The following KAT8 variants were observed in gnomAD, a reference collection of about 807,000 sequenced individuals.
KAT8 encodes lysine acetyltransferase 8.
Under a neutral mutation model 62.9 loss-of-function variants are expected in KAT8, and 40 were observed. That is an observed-to-expected ratio of 0.64 (90% CI 0.49 to 0.83). The LOEUF is 0.83. Among genes scored for constraint, KAT8 ranks in the 40% least tolerant of loss-of-function variants. The probability of loss-of-function intolerance (pLI) is 0.00; values close to 1 mark genes in which losing one functional copy is unlikely to be tolerated. For missense variants in KAT8, 387 were observed against 614.8 expected (o/e 0.63, Z 3.92); for synonymous variants, 278 against 254.5 (o/e 1.09, Z -0.88).
chr16:31,129,029 C>G (rs924654811), intron 6 of KAT8, among the ~76,000 whole-genome samples: 5 of 152,214 alleles, frequency 3.3e-5, no homozygotes, highest in Non-Finnish European at 5.9e-5. Context: ...TTGTCACTTC[C>G]TCACTGACCA....
intron 3 of KAT8, chr16:31,126,800 C>T: frequency 2.0e-6 from 1 of 510,954 alleles, no homozygotes; most frequent in South Asian, 2.2e-5. Flanking sequence ...GCAAAAGGTC[C>T]AAACTTGGAC....
chr16:31,130,256 G>A lies in KAT8; in HGVS notation c.913-11G>A. ...GCCTCCCCAGCGGCCCTGAGCACCT[G>A]CCTCCTGCAGGAGAAGGAGTCCCCG... On this transcript the variant is annotated splice_polypyrimidine_tract_variant and intron_variant, in intron 7 of 10. Coordinates refer to ENST00000219797, the MANE Select transcript of KAT8 (RefSeq NM_032188.3). 1.9e-6 allele frequency: 3 copies of A among 1,614,046 alleles called. No homozygotes were observed. Among genetic ancestry groups the A allele is most frequent in the Non-Finnish European group, 2.5e-6 (3 of 1,179,922 alleles).
intron 6 of KAT8, among the ~76,000 whole-genome samples, chr16:31,128,789 A>G (rs2057552211): frequency 6.6e-6 from 1 of 152,190 alleles, no homozygotes; most frequent in Non-Finnish European, 1.5e-5. Context: ...CTTTGTGTGA[A>G]ATTTCCTCCT....
At chr16:31,125,184 T>G (rs1433016412) in intron 3 of KAT8, among the ~76,000 whole-genome samples, 1 of 150,544 alleles carries the variant, frequency 6.6e-6, no homozygotes, top group African/African-American at 2.4e-5. Context: ...AGAGTGAGAG[T>G]CTATCTCAGA....
chr16:31,127,969 T>G lies in KAT8; in HGVS notation c.682-81T>G, dbSNP rs1197257240. On this transcript the variant is annotated intron_variant, in intron 5 of 10. Transcript: ENST00000219797. Reference sequence around the variant, plus strand: ...GGGAAACAGAGAGGCAGAGACTTGCTCCAAAGCATGCAGTGGTGGGTTGGG... The same window carrying G: ...GGGAAACAGAGAGGCAGAGACTTGCGCCAAAGCATGCAGTGGTGGGTTGGG... The G allele has an allele frequency of 3.1e-6, 3 of 966,024 alleles. No individual in the cohort carries two copies. The Admixed American group carries it at 5.3e-5, about 17-fold the overall frequency. The allele number at this position is 966,024 out of a possible 1,614,324, so 59.8% of individuals were successfully genotyped here.
At chr16:31,120,306 C>T (rs1440251477) in intron 2 of KAT8, 33 bp from the exon 3 acceptor site, 1 of 1,614,010 alleles carries the variant, frequency 6.2e-7, no homozygotes, top group Non-Finnish European at 8.5e-7. Flanking sequence ...GAGTTGGCTG[C>T]CCTGGCAGCA....
At chr16:31,118,235 C>G (rs2057465421) in intron 1 of KAT8, 1 of 232,980 alleles carries the variant, frequency 4.3e-6, no homozygotes, top group Non-Finnish European at 8.3e-6. Context: ...TCTTCTTTTT[C>G]CATTTGTCCC....
chr16:31,129,282 C>T (rs2057554786), intron 6 of KAT8, among the ~76,000 whole-genome samples: 1 of 152,176 alleles, frequency 6.6e-6, no homozygotes, highest in African/African-American at 2.4e-5. Flanking sequence ...CAGCCCTTGC[C>T]CCTGCTCTGC....
Position 31,130,849 on chromosome 16 carries a change from C to T in KAT8, c.1261C>T (p.Leu421=), listed in dbSNP as rs777488556. Reference sequence around the variant, plus strand: ...GCACGTGATCTGTGTCACACCCAAGCTGGTGGAGGAGCACCTCAAAAGTGC... The same window carrying T: ...GCACGTGATCTGTGTCACACCCAAGTTGGTGGAGGAGCACCTCAAAAGTGC... ...GQHVICVTPK[L]VEEHLKSAQY... The change falls in exon 10 of 11, where the codon CTG becomes TTG. Residue 421 remains leucine (L), a synonymous_variant. Coordinates refer to ENST00000219797, the MANE Select transcript of KAT8 (RefSeq NM_032188.3). 16 of 1,612,768 alleles carry T rather than the reference C, an allele frequency of 9.9e-6. No individual in the cohort carries two copies. Among genetic ancestry groups the T allele is most frequent in the Non-Finnish European group, 1.2e-5 (14 of 1,179,794 alleles).
At position 31,127,248 on chromosome 16, in the gene KAT8, G is replaced by A; in HGVS notation, c.576G>A (p.Trp192Ter). The change falls in exon 5 of 11, where the codon TGG becomes TGA. Residue 192 changes from tryptophan (W) to a stop codon, truncating the protein, a stop_gained. Coordinates refer to ENST00000219797, the MANE Select transcript of KAT8 (RefSeq NM_032188.3). LOFTEE classifies it high-confidence loss of function. ...TCGGGAACTACGAAATTGATGCCTG[G>A]TATTTCTCACCATTCCCCGAAGACT... ...IHIGNYEIDA[W>*]YFSPFPEDYG... 1 of 1,614,234 alleles carries A rather than the reference G, an allele frequency of 6.2e-7. No homozygotes were observed. Among genetic ancestry groups the A allele is most frequent in the Non-Finnish European group, 8.5e-7 (1 of 1,180,036 alleles).
chr16:31,127,498 A>C, intron 5 of KAT8, 145 bp downstream of exon 5: 2 of 835,600 alleles, frequency 2.4e-6, no homozygotes, highest in Non-Finnish European at 3.7e-6. Context: ...GCTGGGGGTC[A>C]GGAGGCCTGG....
In KAT8 at chr16:31,117,879, G is replaced by A. The variant is rs2057460622; in HGVS notation, c.198G>A (p.Pro66=). ...EIGETYLCRR[P]DSTWHSAEVI... ...GAGAAACGTACCTGTGCCGGCGACCGGATAGCACCTGGCGTGAGGGCGGGG... is the reference window on the plus strand; with the variant it reads ...GAGAAACGTACCTGTGCCGGCGACCAGATAGCACCTGGCGTGAGGGCGGGG... The change falls in exon 1 of 11, where the codon CCG becomes CCA. Residue 66 remains proline, a synonymous_variant. Transcript: ENST00000219797. 1.4e-6 allele frequency: 2 copies of A among 1,389,316 alleles called. No individual in the cohort carries two copies. Among genetic ancestry groups the A allele is most frequent in the Non-Finnish European group, 1.9e-6 (2 of 1,061,196 alleles). 86.1% of individuals were successfully genotyped at this position (1,389,316 alleles called of 1,614,324 possible). A position where few individuals can be genotyped will look rare whatever the true frequency, so the allele number is the denominator to read the frequency against.
Position 31,127,335 on chromosome 16 carries a change from G to T in KAT8, c.663G>T (p.Lys221Asn), listed in dbSNP as rs2057539560. The T allele has an allele frequency of 6.2e-7, 1 of 1,614,180 alleles. No homozygotes were observed. Among genetic ancestry groups the T allele is most frequent in the Non-Finnish European group, 8.5e-7 (1 of 1,180,038 alleles). ...GCCTCAAGTACATGAAATATGAGAA[G>T]AGCTACCGCTTCCACTTGGTGAGGC... ...EYCLKYMKYE[K>N]SYRFHLGQCQ... Residue 221 changes from lysine (K) to asparagine (N), a missense_variant, in exon 5 of 11, where the codon AAG becomes AAT. Lys to Asn is a moderately conservative substitution (Grantham distance 94). Coordinates refer to ENST00000219797, the MANE Select transcript of KAT8 (RefSeq NM_032188.3).
rs554712814 is a variant in KAT8, at chr16:31,128,313, T to C, written c.771+174T>C. 2.6e-5 allele frequency among the ~76,000 whole-genome samples: 4 copies of C among 152,210 alleles called. No homozygotes were observed. The East Asian group carries it at 7.7e-4, about 29-fold the overall frequency. ...CTGTAATCCTAGCACTTTTGGAGGCTGAGGTGGGCAGATTGCCTGAGCTCA... is the reference window on the plus strand; with the variant it reads ...CTGTAATCCTAGCACTTTTGGAGGCCGAGGTGGGCAGATTGCCTGAGCTCA... On this transcript the variant is annotated intron_variant, in intron 6 of 10. Transcript: ENST00000219797.
intron 1 of KAT8, among the ~76,000 whole-genome samples, chr16:31,119,936 C>T (rs1297304325): frequency 1.3e-5 from 2 of 152,104 alleles, no homozygotes; most frequent in Non-Finnish European, 2.9e-5. Flanking sequence ...CCATCTCGGC[C>T]TCCAGAAGTA....
At chr16:31,130,391 G>T in intron 8 of KAT8, 31 bp downstream of exon 8, 1 of 1,614,148 alleles carries the variant, frequency 6.2e-7, no homozygotes, top group Non-Finnish European at 8.5e-7. Context: ...CTGGGAGGGG[G>T]AGACCTGTGG....
At chr16:31,129,012 T>C (rs1368948050) in intron 6 of KAT8, among the ~76,000 whole-genome samples, 1 of 152,240 alleles carries the variant, frequency 6.6e-6, no homozygotes, top group Non-Finnish European at 1.5e-5. Flanking sequence ...GGGTGGCTCA[T>C]GTTGCCTTGT....
intron 3 of KAT8, chr16:31,123,985 A>G (rs1035550615): frequency 7.2e-5 from 11 of 152,260 alleles, no homozygotes; most frequent in Non-Finnish European, 1.3e-4. Context: ...TAATGAAACA[A>G]TCATCCAGTT....
intron 3 of KAT8, among the ~76,000 whole-genome samples, chr16:31,121,941 G>A (rs1308616015): frequency 1.3e-5 from 2 of 151,600 alleles, no homozygotes; most frequent in African/African-American, 2.4e-5. Context: ...TTGTAGAGAC[G>A]GGATCTGCTA....
Sources: allele counts gnomAD v4.1 joint callset (sites outside exome capture counted in the v4.1 genomes callset), GRCh38; gene constraint gnomAD v4.1.1; transcripts MANE v1.5; gene names NCBI Gene and HGNC (gene_info 2026-07-23, HGNC 2026-07-21).